The following PKP4 variants were observed in gnomAD, a reference collection of about 807,000 sequenced individuals.
The protein encoded by PKP4 is plakophilin-4.
PKP4 carries 90 observed loss-of-function variants against 145.1 expected under a neutral mutation model. The ratio of observed to expected loss-of-function variants is 0.62; its 90% CI spans 0.52 to 0.74. The LOEUF (loss-of-function observed/expected upper bound fraction) is 0.74. Ranked by LOEUF, PKP4 falls within the 30% of genes least tolerant of loss-of-function variation. The probability of loss-of-function intolerance (pLI) is 0.00; values close to 1 mark genes in which losing one functional copy is unlikely to be tolerated. For synonymous variants in PKP4, 563 were observed against 577.2 expected, an observed-to-expected ratio of 0.98 and a Z score of 0.35; for missense variants, 1,340 against 1,482.7, an observed-to-expected ratio of 0.90 and a Z score of 1.58.
chr2:158,639,160 CTGATA>C (rs2054061924), intron 9 of PKP4, among the ~76,000 whole-genome samples: 1 of 152,168 alleles, frequency 6.6e-6, no homozygotes, highest in Non-Finnish European at 1.5e-5. Flanking sequence ...GGCACAAAGC[CTGATA>C]TAAGTAAACT....
chr2:158,499,615 G>A (rs1307097776), intron 1 of PKP4, among the ~76,000 whole-genome samples: 5 of 152,196 alleles, frequency 3.3e-5, no homozygotes, highest in Non-Finnish European at 7.3e-5. Flanking sequence ...ATTTGTGTGA[G>A]TGGCCAAGCA....
intron 1 of PKP4, among the ~76,000 whole-genome samples, chr2:158,462,822 G>T (rs1689973293): frequency 1.3e-5 from 2 of 152,200 alleles, no homozygotes; most frequent in South Asian, 4.1e-4. Context: ...GTAGGATGGA[G>T]TGATAAAAGT....
chr2:158,678,806 T>C lies in PKP4; in HGVS notation c.3330+152T>C, dbSNP rs1352125019. ...CACTCCTTGGAAACTCAACGTGTGG[T>C]TTAAGCAAAGCATTTCCACGGTAGC... is the stretch of plus-strand genomic sequence containing the variant. On this transcript the variant is annotated intron_variant, in intron 21 of 21. Transcript: ENST00000389759. 4.5e-6 allele frequency: 3 copies of C among 660,170 alleles called. No individual in the cohort carries two copies. The African/African-American group carries it at 5.5e-5, about 12-fold the overall frequency. The allele number at this position is 660,170 out of a possible 1,614,324, so 40.9% of individuals were successfully genotyped here. A position where few individuals can be genotyped will look rare whatever the true frequency, so the allele number is the denominator to read the frequency against.
intron 12 of PKP4, 74 bp from the exon 13 acceptor site, chr2:158,661,259 C>G: frequency 9.1e-7 from 1 of 1,098,512 alleles, no homozygotes. Flanking sequence ...TCTCTCAGAT[C>G]CTTAAGGTTA....
rs182256224 is a variant in PKP4, at chr2:158,674,078, A to G, written c.3127+78A>G. On this transcript the variant is annotated intron_variant, in intron 19 of 21. Coordinates refer to ENST00000389759, the MANE Select transcript of PKP4 (RefSeq NM_003628.6). ...GTTCCCCAGCCAGAGAAGATCAAACATAAGCTGGTTAAGCCTGTCATCTCC... is the reference window on the plus strand; with the variant it reads ...GTTCCCCAGCCAGAGAAGATCAAACGTAAGCTGGTTAAGCCTGTCATCTCC... 2.9e-4 allele frequency: 254 copies of G among 862,212 alleles called. 1 individual carries two copies. The African/African-American group carries it at 4.0e-3, about 14-fold the overall frequency. 53.4% of individuals were successfully genotyped at this position (862,212 alleles called of 1,614,324 possible). A position where few individuals can be genotyped will look rare whatever the true frequency, so the allele number is the denominator to read the frequency against.
intron 1 of PKP4, among the ~76,000 whole-genome samples, chr2:158,528,549 G>A (rs867457612): frequency 2.9e-5 from 4 of 136,496 alleles, no homozygotes; most frequent in Admixed American, 1.5e-4. Context: ...TGACGAGTTA[G>A]TGGGTGCAGC....
chr2:158,655,013 T>A (rs897230940), intron 11 of PKP4, among the ~76,000 whole-genome samples: 9 of 152,100 alleles, frequency 5.9e-5, no homozygotes, highest in African/African-American at 2.2e-4. Context: ...TCATCTTTTT[T>A]TAAAAAAAAA....
At chr2:158,568,100 C>T (rs1355678518) in intron 2 of PKP4, among the ~76,000 whole-genome samples, 10 of 151,958 alleles carry the variant, frequency 6.6e-5, no homozygotes, top group East Asian at 1.9e-4. Flanking sequence ...TTTGGGAGGC[C>T]GAGGCAGCAG....
At chr2:158,657,953 G>A (rs75597378) in intron 11 of PKP4, among the ~76,000 whole-genome samples, 178 bp from the exon 12 acceptor site, 1,532 of 152,220 alleles carry the variant, frequency 0.01, 29 homozygotes, top group African/African-American at 0.034. Context: ...TATGTTGTCG[G>A]AGGCTCATAC....
At chr2:158,491,606 T>C (rs1694946663) in intron 1 of PKP4, among the ~76,000 whole-genome samples, 1 of 152,088 alleles carries the variant, frequency 6.6e-6, no homozygotes, top group Non-Finnish European at 1.5e-5. Flanking sequence ...ATATCCCTTA[T>C]TATGGCGTTA....
At chr2:158,582,387 T>C (rs2048403940) in intron 3 of PKP4, among the ~76,000 whole-genome samples, 1 of 152,136 alleles carries the variant, frequency 6.6e-6, no homozygotes, top group Admixed American at 6.5e-5. Flanking sequence ...TGAAACACCT[T>C]TCAAAATACA....
chr2:158,485,402 CA>C (rs1033242803), intron 1 of PKP4, among the ~76,000 whole-genome samples: 3 of 152,194 alleles, frequency 2.0e-5, no homozygotes, highest in Non-Finnish European at 4.4e-5. Context: ...TCATCCAACC[CA>C]CTTAACCCTA....
chr2:158,484,119 C>A, intron 1 of PKP4, among the ~76,000 whole-genome samples: 1 of 150,252 alleles, frequency 6.7e-6, no homozygotes, highest in African/African-American at 2.5e-5. Flanking sequence ...GCAATCTCGG[C>A]TCACTGCAAG....
intron 2 of PKP4, among the ~76,000 whole-genome samples, chr2:158,534,038 T>C (rs1447161850): frequency 6.6e-6 from 1 of 152,128 alleles, no homozygotes; most frequent in Non-Finnish European, 1.5e-5. Flanking sequence ...GCTTCTTCTC[T>C]CCAAAACAAC....
intron 1 of PKP4, among the ~76,000 whole-genome samples, chr2:158,518,097 T>C (rs1225204830): frequency 6.6e-6 from 1 of 152,206 alleles, no homozygotes; most frequent in Admixed American, 6.5e-5. Context: ...AATGAGTTTT[T>C]AAGTTGGCAA....
At chr2:158,632,682 C>G (rs1169294720) in intron 8 of PKP4, 1 of 151,888 alleles carries the variant, frequency 6.6e-6, no homozygotes, top group Non-Finnish European at 1.5e-5. Context: ...ACAAATGAAC[C>G]CTAGGTAGCA....
intron 3 of PKP4, chr2:158,588,798 T>C (rs1180222383): frequency 6.6e-6 from 1 of 152,168 alleles, no homozygotes; most frequent in Non-Finnish European, 1.5e-5. Flanking sequence ...ATATTTTCTT[T>C]AGTGACTCTG....
intron 4 of PKP4, among the ~76,000 whole-genome samples, chr2:158,617,149 A>G (rs925845771): frequency 1.3e-5 from 2 of 152,218 alleles, no homozygotes; most frequent in African/African-American, 4.8e-5. Flanking sequence ...GTAATAAGAC[A>G]AGAAAGTCCA....
intron 2 of PKP4, among the ~76,000 whole-genome samples, chr2:158,553,548 A>G (rs2045814957): frequency 6.6e-6 from 1 of 152,238 alleles, no homozygotes; most frequent in African/African-American, 2.4e-5. Context: ...AGGCTTGTCA[A>G]AACAGTGCTC....
Sources: gnomAD v4.1 joint callset for allele counts (sites outside exome capture counted in the v4.1 genomes callset) on GRCh38, gnomAD v4.1.1 for gene constraint, MANE v1.5 for transcripts, NCBI Gene and HGNC (gene_info 2026-07-23, HGNC 2026-07-21) for gene names.